SH3GL3: variants seen among roughly 807,000 people sequenced by gnomAD.
SH3GL3 encodes the protein SH3 domain containing GRB2 like 3, endophilin A3.
Under a neutral mutation model 47.7 loss-of-function variants are expected in SH3GL3, and 33 were observed. That is an observed-to-expected ratio of 0.69 (90% CI 0.52 to 0.92). The LOEUF (loss-of-function observed/expected upper bound fraction) is 0.92. Among genes scored for constraint, SH3GL3 ranks in the 40% least tolerant of loss-of-function variants. The probability of loss-of-function intolerance (pLI) is 0.00; values close to 1 mark genes in which losing one functional copy is unlikely to be tolerated. For synonymous variants in SH3GL3, 155 were observed against 148.8 expected (o/e 1.04, Z -0.30); for missense variants, 363 against 417.8 (o/e 0.87, Z 1.14).
chr15:83,487,489 G>A (rs941118481), intron 1 of SH3GL3, among the ~76,000 whole-genome samples: 12 of 152,000 alleles, frequency 7.9e-5, no homozygotes, highest in Non-Finnish European at 8.8e-5. Flanking sequence ...ATTTTCTGTT[G>A]TGAACCCAAA....
chr15:83,494,031 A>T (rs1308513919), intron 1 of SH3GL3, among the ~76,000 whole-genome samples: 1 of 152,224 alleles, frequency 6.6e-6, no homozygotes, highest in Non-Finnish European at 1.5e-5. Flanking sequence ...AGAGGGTTGG[A>T]GAAAGCCTGA....
At chr15:83,585,594 G>A (rs973760567) in intron 6 of SH3GL3, among the ~76,000 whole-genome samples, 1 of 152,132 alleles carries the variant, frequency 6.6e-6, no homozygotes, top group African/African-American at 2.4e-5. Flanking sequence ...CCATGGCCCT[G>A]GACTTATTTA....
intron 1 of SH3GL3, among the ~76,000 whole-genome samples, chr15:83,449,580 G>A (rs2039633828): frequency 6.6e-6 from 1 of 152,340 alleles, no homozygotes; most frequent in South Asian, 2.1e-4. Flanking sequence ...GTTTCTGACA[G>A]TAACCAGAAT....
At chr15:83,581,372 C>CA (rs2059823542) in intron 6 of SH3GL3, among the ~76,000 whole-genome samples, 1 of 152,208 alleles carries the variant, frequency 6.6e-6, no homozygotes, top group Non-Finnish European at 1.5e-5. Flanking sequence ...GCCCCTTGCT[C>CA]AGAGAGCAGG....
intron 1 of SH3GL3, among the ~76,000 whole-genome samples, chr15:83,548,847 C>T (rs964126908): frequency 4.6e-5 from 7 of 151,154 alleles, no homozygotes; most frequent in Admixed American, 2.0e-4. Context: ...AATTATTGTC[C>T]ATCTCCTCTT....
intron 1 of SH3GL3, among the ~76,000 whole-genome samples, chr15:83,486,296 AT>A (rs757800149): frequency 1.3e-5 from 2 of 152,190 alleles, no homozygotes; most frequent in Non-Finnish European, 2.9e-5. Context: ...ATTCAGTGGC[AT>A]TTAGTAGTCA....
chr15:83,571,992 AC>A (rs1345853581), intron 4 of SH3GL3, among the ~76,000 whole-genome samples: 1 of 151,976 alleles, frequency 6.6e-6, no homozygotes, highest in Non-Finnish European at 1.5e-5. Context: ...GCACCAGCAG[AC>A]CCCCACCCCA....
intron 1 of SH3GL3, among the ~76,000 whole-genome samples, chr15:83,495,770 TTC>T: frequency 6.6e-6 from 1 of 152,194 alleles, no homozygotes; most frequent in Non-Finnish European, 1.5e-5. Flanking sequence ...AAACATCTTT[TTC>T]CATGTTAAGG....
intron 1 of SH3GL3, among the ~76,000 whole-genome samples, chr15:83,523,003 A>G (rs2043270195): frequency 6.6e-6 from 1 of 152,252 alleles, no homozygotes; most frequent in African/African-American, 2.4e-5. Context: ...TAGTGCCTTT[A>G]AATAAGCCAG....
At chr15:83,530,105 G>A (rs1458891389) in intron 1 of SH3GL3, among the ~76,000 whole-genome samples, 1 of 152,120 alleles carries the variant, frequency 6.6e-6, no homozygotes, top group Non-Finnish European at 1.5e-5. Context: ...CAGGGATGTC[G>A]AGATGCAGGG....
chr15:83,631,105 C>A, the SH3GL3 span, among the ~76,000 whole-genome samples: 1 of 152,172 alleles, frequency 6.6e-6, no homozygotes. Flanking sequence ...CAAAATCCAA[C>A]AGGACAGTCA....
chr15:83,622,923 C>T (rs1002143233), downstream of SH3GL3, among the ~76,000 whole-genome samples: 16 of 152,332 alleles, frequency 1.1e-4, no homozygotes, highest in East Asian at 2.7e-3. Context: ...GCATTTCTCC[C>T]GAGGCAATGG....
chr15:83,502,302 C>G (rs72760322), intron 1 of SH3GL3, among the ~76,000 whole-genome samples: 10,292 of 152,288 alleles, frequency 0.068, 474 homozygotes, highest in Non-Finnish European at 0.098. Flanking sequence ...GCAGCACCTT[C>G]CTTGGGTGCC....
intron 1 of SH3GL3, among the ~76,000 whole-genome samples, chr15:83,546,918 C>G (rs1355958861): frequency 6.6e-6 from 1 of 152,130 alleles, no homozygotes; most frequent in Non-Finnish European, 1.5e-5. Flanking sequence ...AGCTGGTATC[C>G]AAATTGCAAG....
intron 8 of SH3GL3, among the ~76,000 whole-genome samples, chr15:83,602,188 C>T (rs1270881436): frequency 6.6e-6 from 1 of 152,110 alleles, no homozygotes; most frequent in Non-Finnish European, 1.5e-5. Flanking sequence ...CCTCTTACAC[C>T]CGCAAGGTGG....
chr15:83,589,758 G>A (rs999032301), intron 8 of SH3GL3, among the ~76,000 whole-genome samples: 1 of 152,084 alleles, frequency 6.6e-6, no homozygotes, highest in East Asian at 1.9e-4. Flanking sequence ...CTGTTTCTTC[G>A]AGTTATTTCC....
At chr15:83,604,142 G>T (rs938381121) in intron 8 of SH3GL3, among the ~76,000 whole-genome samples, 1 of 151,522 alleles carries the variant, frequency 6.6e-6, no homozygotes, top group Non-Finnish European at 1.5e-5. Context: ...GTGAAACTCT[G>T]TCTAAAAAGA....
chr15:83,626,900 A>G, the SH3GL3 span, among the ~76,000 whole-genome samples: 2 of 152,174 alleles, frequency 1.3e-5, no homozygotes, highest in African/African-American at 4.8e-5. Context: ...GCCCATCAAC[A>G]ATTAGGGTAT....
intron 8 of SH3GL3, among the ~76,000 whole-genome samples, chr15:83,589,530 C>A (rs2060038638): frequency 6.6e-6 from 1 of 152,032 alleles, no homozygotes; most frequent in South Asian, 2.1e-4. Flanking sequence ...GTGTATGTGA[C>A]CCTGCCAGGC....
Sources: gnomAD v4.1 joint callset for allele counts (sites outside exome capture counted in the v4.1 genomes callset) on GRCh38, gnomAD v4.1.1 for gene constraint, MANE v1.5 for transcripts, NCBI Gene and HGNC (gene_info 2026-07-23, HGNC 2026-07-21) for gene names.